Variants in MMP15 observed in about 807,000 individuals in gnomAD.
MMP15 encodes the protein matrix metallopeptidase 15.
In MMP15, 36 loss-of-function variants were observed where a neutral mutation model predicts 65.0. That is an observed-to-expected ratio of 0.55 (90% CI 0.42 to 0.73). The LOEUF (loss-of-function observed/expected upper bound fraction) is 0.73. Ranked by LOEUF, MMP15 falls within the 30% of genes least tolerant of loss-of-function variation. MMP15 has a pLI of 0.00. For missense variants in MMP15, 870 were observed against 987.8 expected (o/e 0.88, Z 1.60); for synonymous variants, 428 against 410.2 (o/e 1.04, Z -0.52).
intron 7 of MMP15, 33 bp downstream of exon 7, chr16:58,042,402 GCCT>G (rs1216401345): frequency 1.2e-6 from 2 of 1,609,560 alleles, no homozygotes; most frequent in Non-Finnish European, 1.7e-6. Flanking sequence ...GGTTGGGCAC[GCCT>G]CCTGCCATGA....
intron 1 of MMP15, among the ~76,000 whole-genome samples, chr16:58,029,680 A>G (rs986662950): frequency 2.0e-5 from 3 of 152,224 alleles, no homozygotes; most frequent in Non-Finnish European, 1.5e-5. Flanking sequence ...TTGTCTGAGC[A>G]GTGTATTGGC....
At chr16:58,032,513 G>C (rs751727994) in intron 1 of MMP15, among the ~76,000 whole-genome samples, 9 of 152,356 alleles carry the variant, frequency 5.9e-5, no homozygotes, top group Non-Finnish European at 1.3e-4. Flanking sequence ...AGGCCTGGCG[G>C]GTGGCTGGGC....
chr16:58,031,912 G>T (rs1026631957), intron 1 of MMP15, among the ~76,000 whole-genome samples: 1 of 126,136 alleles, frequency 7.9e-6, no homozygotes, highest in African/African-American at 3.2e-5. Context: ...TTGTGGCCCA[G>T]GCTGGAGTGC....
chr16:58,031,498 C>T (rs1963888749), intron 1 of MMP15, among the ~76,000 whole-genome samples: 1 of 152,116 alleles, frequency 6.6e-6, no homozygotes, highest in South Asian at 2.1e-4. Context: ...GGACCCAAGG[C>T]CGGGCCCCCA....
rs770061459 is a variant in MMP15, at chr16:58,045,350, C to T, written c.1914C>T (p.Cys638=). ...TGGTGCCACTGCTGCTGCTGCTCTGCGTCCTGGGCCTCACCTACGCGCTGG... is the reference window on the plus strand; with the variant it reads ...TGGTGCCACTGCTGCTGCTGCTCTGTGTCCTGGGCCTCACCTACGCGCTGG... ...MVLVPLLLLL[C]VLGLTYALVQ... Residue 638 remains cysteine (C), a synonymous_variant, in exon 10 of 10, where the codon TGC becomes TGT. Coordinates refer to ENST00000219271, the MANE Select transcript of MMP15 (RefSeq NM_002428.4). 19 of 1,602,910 alleles carry T rather than the reference C, an allele frequency of 1.2e-5. No individual in the cohort carries two copies. The highest frequency in any genetic ancestry group is 1.0e-4 in the South Asian group (9 of 88,752).
chr16:58,035,508 C>T (rs970257603), intron 1 of MMP15, among the ~76,000 whole-genome samples: 1 of 152,244 alleles, frequency 6.6e-6, no homozygotes, highest in South Asian at 2.1e-4. Flanking sequence ...GTCATTTGCA[C>T]GTTTGTCGAG....
Position 58,026,238 on chromosome 16 carries a change from C to G in MMP15, c.-113C>G. 5 of 1,162,954 alleles carry G rather than the reference C, an allele frequency of 4.3e-6. No homozygotes were observed. The highest frequency in any genetic ancestry group is 4.3e-6 in the Non-Finnish European group (4 of 924,184). 72.0% of individuals were successfully genotyped at this position (1,162,954 alleles called of 1,614,324 possible). A position where few individuals can be genotyped will look rare whatever the true frequency, so the allele number is the denominator to read the frequency against. Reference sequence around the variant, plus strand: ...AGGCGGCTCCGGCGGGGACCGGGAGCCCGAGGTCCGCGGCGCGCCTGCCGG... The same window carrying G: ...AGGCGGCTCCGGCGGGGACCGGGAGGCCGAGGTCCGCGGCGCGCCTGCCGG... On this transcript the variant is annotated 5_prime_UTR_variant, in exon 1 of 10. Coordinates refer to ENST00000219271, the MANE Select transcript of MMP15 (RefSeq NM_002428.4).
At position 58,040,037 on chromosome 16, in the gene MMP15, T is replaced by C; in HGVS notation, c.603T>C (p.Phe201=). 2 of 1,614,156 alleles carry C rather than the reference T, an allele frequency of 1.2e-6. No homozygotes were observed. The change falls in exon 4 of 10, where the codon TTT becomes TTC. Residue 201 remains phenylalanine (F), a synonymous_variant. Coordinates refer to ENST00000219271, the MANE Select transcript of MMP15 (RefSeq NM_002428.4). ...RQKEADIMVL[F]ASGFHGDSSP... ...AGGAGGCCGACATCATGGTACTCTT[T>C]GCCTCTGGCTTCCACGGCGACAGCT...
At position 58,034,263 on chromosome 16, in the gene MMP15, G is replaced by A. The variant is rs41459447; in HGVS notation, c.163-3209G>A. On this transcript the variant is annotated intron_variant, in intron 1 of 9. Transcript: ENST00000219271. ...ACTGGGATTGCGAGTCATGACCTAG[G>A]GACTCATCTGCGCCTTTTGCCCAGT... Among the ~76,000 whole-genome samples the A allele has an allele frequency of 8.9e-3, 1,357 of 152,308 alleles. 6 individuals are homozygous for A. The highest frequency in any genetic ancestry group is 0.014 in the Non-Finnish European group (979 of 68,024).
chr16:58,045,521 C>A lies in MMP15; in HGVS notation c.*75C>A, dbSNP rs2142333280. On this transcript the variant is annotated 3_prime_UTR_variant, in exon 10 of 10. Coordinates refer to ENST00000219271, the MANE Select transcript of MMP15 (RefSeq NM_002428.4). ...GATGGCTCCCAGGGGCTCCCTCCGC[C>A]CCCAGGTAGGGGCCCCTCTCAGCCC... 1.5e-6 allele frequency: 2 copies of A among 1,352,338 alleles called. No individual in the cohort carries two copies. Among genetic ancestry groups the A allele is most frequent in the Non-Finnish European group, 9.8e-7 (1 of 1,019,420 alleles). 83.8% of individuals were successfully genotyped at this position (1,352,338 alleles called of 1,614,324 possible).
In MMP15 at chr16:58,045,134, C is replaced by T. The variant is rs558987768; in HGVS notation, c.1698C>T (p.Gly566=). Residue 566 remains glycine, a synonymous_variant, in exon 10 of 10, where the codon GGC becomes GGT. Coordinates refer to ENST00000219271, the MANE Select transcript of MMP15 (RefSeq NM_002428.4). The part of the protein sequence containing the change: ...FMGCQEHVEP[G]PRWPDVARPP... ...GCTGCCAGGAGCACGTGGAGCCAGG[C>T]CCCCGATGGCCCGACGTGGCCCGGC... 12 of 1,602,872 alleles carry T rather than the reference C, an allele frequency of 7.5e-6. No homozygotes were observed. In the South Asian group the frequency reaches 1.0e-4, roughly 13 times the overall value.
chr16:58,028,236 G>A (rs541485740), intron 1 of MMP15, among the ~76,000 whole-genome samples: 12 of 152,288 alleles, frequency 7.9e-5, no homozygotes, highest in African/African-American at 2.4e-4. Flanking sequence ...CCCACAGCTC[G>A]ATGCCGCCAG....
In MMP15 at chr16:58,038,299, C is replaced by T. The variant is rs765813618; in HGVS notation, c.345C>T (p.Asp115=). 6 of 1,614,048 alleles carry T rather than the reference C, an allele frequency of 3.7e-6. No individual in the cohort carries two copies. In the Admixed American group the frequency reaches 1.0e-4, roughly 27 times the overall value. The change falls in exon 3 of 10, where the codon GAC becomes GAT. Residue 115 remains aspartate (D), a synonymous_variant. Coordinates refer to ENST00000219271, the MANE Select transcript of MMP15 (RefSeq NM_002428.4). The part of the protein sequence containing the change: ...WMKRPRCGVP[D]QFGVRVKANL... ...AGCGGCCCCGCTGTGGGGTGCCAGA[C>T]CAGTTCGGGGTACGAGTGAAAGCCA...
At chr16:58,042,001 C>A in intron 6 of MMP15, 131 bp downstream of exon 6, 1 of 1,240,256 alleles carries the variant, frequency 8.1e-7, no homozygotes, top group Non-Finnish European at 1.1e-6. Flanking sequence ...GAATCCAGCC[C>A]AAGAGGTTGA....
In MMP15 at chr16:58,040,005, C is replaced by T. The variant is rs966183926; in HGVS notation, c.571C>T (p.Arg191Ter). Reference protein sequence around the residue: ...EVPYEDIRLRRQKEADIMVLF... With the variant: ...EVPYEDIRLR Reference sequence around the variant, plus strand: ...GCCCTATGAGGACATCCGGCTGCGGCGACAGAAGGAGGCCGACATCATGGT... The same window carrying T: ...GCCCTATGAGGACATCCGGCTGCGGTGACAGAAGGAGGCCGACATCATGGT... The change falls in exon 4 of 10, where the codon CGA becomes TGA. Residue 191 changes from arginine (R) to a stop codon, truncating the protein, a stop_gained. Transcript: ENST00000219271. LOFTEE classifies it high-confidence loss of function. 5 of 1,614,078 alleles carry T rather than the reference C, an allele frequency of 3.1e-6. No homozygotes were observed. The highest frequency in any genetic ancestry group is 1.1e-5 in the South Asian group (1 of 91,092).
intron 1 of MMP15, among the ~76,000 whole-genome samples, chr16:58,027,594 G>A (rs1963840032): frequency 6.6e-6 from 1 of 152,182 alleles, no homozygotes; most frequent in South Asian, 2.1e-4. Flanking sequence ...CAGCTCAGCT[G>A]GTGCTCCCTC....
intron 3 of MMP15, among the ~76,000 whole-genome samples, chr16:58,039,097 G>A (rs1183518868): frequency 6.6e-6 from 1 of 152,160 alleles, no homozygotes; most frequent in Non-Finnish European, 1.5e-5. Flanking sequence ...GGAACCCTGT[G>A]AAGAAAGTAC....
intron 1 of MMP15, among the ~76,000 whole-genome samples, chr16:58,026,993 C>T (rs1212424697): frequency 6.6e-6 from 1 of 152,234 alleles, no homozygotes; most frequent in African/African-American, 2.4e-5. Flanking sequence ...CCCAGGTGGC[C>T]TCCCGTCTGG....
In MMP15 at chr16:58,026,501, G is replaced by T; in HGVS notation, c.151G>T (p.Val51Phe). The change falls in exon 1 of 10, where the codon GTC (valine) becomes TTC (phenylalanine). Residue 51 changes from valine (V) to phenylalanine (F), a missense_variant. Transcript: ENST00000219271. Reference protein sequence around the residue: ...GLGVAAEDAEVHAENWLRLYG... With the variant: ...GLGVAAEDAEFHAENWLRLYG... ...TGGCGTAGCGGCCGAAGACGCGGAG[G>T]TCCATGCCGAGGTAAGACCCCCGCC... The T allele has an allele frequency of 7.3e-7, 1 of 1,361,904 alleles. No individual in the cohort carries two copies. Among genetic ancestry groups the T allele is most frequent in the Non-Finnish European group, 9.5e-7 (1 of 1,055,350 alleles). 84.4% of individuals were successfully genotyped at this position (1,361,904 alleles called of 1,614,324 possible).
Sources: gnomAD v4.1 joint callset for allele counts (sites outside exome capture counted in the v4.1 genomes callset) on GRCh38, gnomAD v4.1.1 for gene constraint, MANE v1.5 for transcripts, NCBI Gene and HGNC (gene_info 2026-07-23, HGNC 2026-07-21) for gene names.